Variants in ASXL3 observed in about 807,000 individuals in gnomAD.
ASXL3 encodes the protein putative Polycomb group protein ASXL3.
ASXL3 carries 34 observed loss-of-function variants against 170.6 expected under a neutral mutation model. The ratio of observed to expected loss-of-function variants is 0.20; its 90% CI spans 0.15 to 0.27. The LOEUF is 0.27. ASXL3 is among the 10% of genes least tolerant of loss of function. The pLI, the probability that ASXL3 is intolerant of heterozygous loss-of-function variation, is 1.00. For missense variants in ASXL3, 2,592 were observed against 2,695.3 expected (o/e 0.96, Z 0.85); for synonymous variants, 1,002 against 989.1 (o/e 1.01, Z -0.24).
chr18:33,685,961 A>G (rs1174170777), intron 8 of ASXL3, among the ~76,000 whole-genome samples: 1 of 152,246 alleles, frequency 6.6e-6, no homozygotes, highest in African/African-American at 2.4e-5. Context: ...GGAAGGGACA[A>G]AACCCCCAAA....
At chr18:33,692,375 T>C (rs2066700519) in intron 8 of ASXL3, among the ~76,000 whole-genome samples, 1 of 152,136 alleles carries the variant, frequency 6.6e-6, no homozygotes, top group Non-Finnish European at 1.5e-5. Context: ...GAGTTAGCCA[T>C]ACCCTCCTTT....
In ASXL3 at chr18:33,671,746, G is replaced by A; in HGVS notation, c.596-1G>A. 6.3e-7 allele frequency: 1 copy of A among 1,597,654 alleles called. No individual in the cohort carries two copies. The highest frequency in any genetic ancestry group is 8.5e-7 in the Non-Finnish European group (1 of 1,172,472). On this transcript the variant is annotated splice_acceptor_variant, in intron 6 of 11. Transcript: ENST00000269197. LOFTEE classifies it high-confidence loss of function. ...GACATAATAACTATTTCCTTTTTTA[G>A]GATCTGAATCTAAAAATGGTGAAGC... is the stretch of plus-strand genomic sequence containing the variant.
At chr18:33,615,455 G>C (rs977875965) in intron 2 of ASXL3, among the ~76,000 whole-genome samples, 3 of 152,070 alleles carry the variant, frequency 2.0e-5, no homozygotes, top group Non-Finnish European at 4.4e-5. Context: ...CACCATAACA[G>C]ATATGATAAT....
chr18:33,585,743 A>G (rs1339261274), intron 1 of ASXL3, among the ~76,000 whole-genome samples: 2 of 152,218 alleles, frequency 1.3e-5, no homozygotes, highest in African/African-American at 4.8e-5. Context: ...GAACTTTTAG[A>G]ATCTGAGGAA....
chr18:33,706,240 C>T (rs2066955433), intron 8 of ASXL3, among the ~76,000 whole-genome samples: 1 of 151,802 alleles, frequency 6.6e-6, no homozygotes, highest in South Asian at 2.1e-4. Context: ...GCTACCTCAA[C>T]AAGATATCAG....
chr18:33,638,451 G>A (rs544885248), intron 2 of ASXL3, among the ~76,000 whole-genome samples: 2 of 152,086 alleles, frequency 1.3e-5, no homozygotes, highest in Non-Finnish European at 2.9e-5. Flanking sequence ...ATCTTCTGCA[G>A]CCTAGTTCTT....
chr18:33,633,785 C>T (rs1008735468), intron 2 of ASXL3, among the ~76,000 whole-genome samples: 14 of 140,398 alleles, frequency 1.0e-4, no homozygotes, highest in African/African-American at 3.5e-4. Context: ...GCAGAGGTTG[C>T]AGTGAGCCAA....
chr18:33,679,065 C>T (rs1390161416), intron 7 of ASXL3, among the ~76,000 whole-genome samples: 10 of 152,108 alleles, frequency 6.6e-5, no homozygotes, highest in Non-Finnish European at 8.8e-5. Flanking sequence ...TAACATGTTT[C>T]GGAAGTAGAA....
intron 2 of ASXL3, among the ~76,000 whole-genome samples, chr18:33,609,267 G>A (rs2065297321): frequency 6.6e-6 from 1 of 151,934 alleles, no homozygotes; most frequent in Non-Finnish European, 1.5e-5. Context: ...CAAAAGAAAA[G>A]AGGGGCTAAA....
chr18:33,671,127 T>C (rs188018353), intron 6 of ASXL3, among the ~76,000 whole-genome samples: 1 of 152,254 alleles, frequency 6.6e-6, no homozygotes, highest in Non-Finnish European at 1.5e-5. Context: ...TGCTGATGTA[T>C]AATACCATCA....
chr18:33,589,235 G>A (rs2065058626), intron 1 of ASXL3, among the ~76,000 whole-genome samples: 1 of 152,134 alleles, frequency 6.6e-6, no homozygotes, highest in Non-Finnish European at 1.5e-5. Context: ...CTACCGTAAA[G>A]AGTGGTTGCA....
In ASXL3 at chr18:33,615,985, G is replaced by A. The variant is rs954064160; in HGVS notation, c.137+8309G>A. ...TATTTAATTAGTTTTGAGTTAAATG[G>A]TATAACATTGATTAAATAAGTCATA... On this transcript the variant is annotated intron_variant, in intron 2 of 11. Coordinates refer to ENST00000269197, the MANE Select transcript of ASXL3 (RefSeq NM_030632.3). Among the ~76,000 whole-genome samples, 9 of 152,166 alleles carry A rather than the reference G, an allele frequency of 5.9e-5. No homozygotes were observed. In the East Asian group the frequency reaches 1.7e-3, roughly 29 times the overall value.
chr18:33,743,767 G>A lies in ASXL3; in HGVS notation c.3919G>A (p.Ala1307Thr). ...ATGTATTGAAAGCACTCCCATTTCA[G>A]CCACTACAGAGGGCTCCAGCATATC... ...PKCIESTPIS[A>T]TTEGSSISSS... Residue 1307 changes from alanine to threonine, a missense_variant, in exon 12 of 12, where the codon GCC becomes ACC. By Grantham distance (58) the Ala-to-Thr change is moderately conservative. Coordinates refer to ENST00000269197, the MANE Select transcript of ASXL3 (RefSeq NM_030632.3). 6.2e-7 allele frequency: 1 copy of A among 1,613,908 alleles called. No individual in the cohort carries two copies. Among genetic ancestry groups the A allele is most frequent in the Non-Finnish European group, 8.5e-7 (1 of 1,179,896 alleles).
intron 8 of ASXL3, among the ~76,000 whole-genome samples, chr18:33,725,551 G>A (rs879561794): frequency 3.3e-5 from 5 of 151,996 alleles, no homozygotes; most frequent in African/African-American, 4.8e-5. Flanking sequence ...TTCTTCCAAT[G>A]TTCTCATCTA....
Position 33,745,638 on chromosome 18 carries a change from G to C in ASXL3, c.5790G>C (p.Gln1930His). 2 of 1,613,998 alleles carry C rather than the reference G, an allele frequency of 1.2e-6. No individual in the cohort carries two copies. Among genetic ancestry groups the C allele is most frequent in the Non-Finnish European group, 1.7e-6 (2 of 1,179,896 alleles). The change falls in exon 12 of 12, where the codon CAG becomes CAC. Residue 1930 changes from glutamine to histidine, a missense_variant. Gln to His is a conservative substitution (Grantham distance 24). Around this residue, in one of 4 missense-constraint regions of ASXL3, gnomAD observed 2,246 missense variants for 2,219.6 expected, o/e 1.01. Transcript: ENST00000269197. ...ACGCTGGTACCTCACACAGACAGCA[G>C]TTTTACCAAATGCCTGTGGCTGCCA... ...HTDAGTSHRQ[Q>H]FYQMPVAARG... is the part of the protein sequence containing the mutation.
intron 2 of ASXL3, among the ~76,000 whole-genome samples, chr18:33,612,592 T>C (rs1428539696): frequency 6.6e-6 from 1 of 152,130 alleles, no homozygotes; most frequent in African/African-American, 2.4e-5. Flanking sequence ...GTCTCTGTTA[T>C]GATATGCTGA....
chr18:33,710,783 A>G (rs1270640459), intron 8 of ASXL3, among the ~76,000 whole-genome samples: 1 of 152,130 alleles, frequency 6.6e-6, no homozygotes, highest in African/African-American at 2.4e-5. Flanking sequence ...TCAAGCTATC[A>G]TCTTTAAACA....
At chr18:33,732,187 C>A in intron 9 of ASXL3, 123 bp downstream of exon 9, 1 of 541,644 alleles carries the variant, frequency 1.8e-6, no homozygotes, top group Non-Finnish European at 3.0e-6. Context: ...AGTAAAAACT[C>A]ATATCCCTTT....
At chr18:33,637,092 C>T (rs942100118) in intron 2 of ASXL3, among the ~76,000 whole-genome samples, 7 of 152,122 alleles carry the variant, frequency 4.6e-5, no homozygotes, top group Non-Finnish European at 8.8e-5. Context: ...AATCATCACA[C>T]TGTATTTTTC....
Sources: gnomAD v4.1 joint callset for allele counts (sites outside exome capture counted in the v4.1 genomes callset) on GRCh38, gnomAD v4.1.1 for gene constraint, gnomAD v4.1.1 regional missense constraint, MANE v1.5 for transcripts, NCBI Gene and HGNC (gene_info 2026-07-23, HGNC 2026-07-21) for gene names.